The following CDS1 variants were observed in gnomAD, a reference collection of about 807,000 sequenced individuals.
CDS1 encodes the protein phosphatidate cytidylyltransferase 1.
Under a neutral mutation model 62.1 loss-of-function variants are expected in CDS1, and 41 were observed. That is an observed-to-expected ratio of 0.66 (90% CI 0.51 to 0.86). CDS1 has a LOEUF of 0.86. CDS1 is among the 40% of genes least tolerant of loss of function. The pLI, the probability that CDS1 is intolerant of heterozygous loss-of-function variation, is 0.00. For missense variants in CDS1, 470 were observed against 550.1 expected, an observed-to-expected ratio of 0.85 and a Z score of 1.46; for synonymous variants, 185 against 192.6, an observed-to-expected ratio of 0.96 and a Z score of 0.32.
At chr4:84,589,298 CT>C (rs1722510525) in intron 1 of CDS1, among the ~76,000 whole-genome samples, 2 of 152,122 alleles carry the variant, frequency 1.3e-5, no homozygotes, top group South Asian at 4.2e-4. Flanking sequence ...ATTTACTGCC[CT>C]GGGATACAAT....
intron 1 of CDS1, among the ~76,000 whole-genome samples, chr4:84,599,946 A>G (rs1415705681): frequency 2.6e-5 from 4 of 152,148 alleles, no homozygotes; most frequent in African/African-American, 9.7e-5. Context: ...GTAATTTTTA[A>G]AAAAACTGTG....
intron 9 of CDS1, 56 bp from the exon 10 acceptor site, chr4:84,640,782 G>C: frequency 1.5e-6 from 2 of 1,333,894 alleles, no homozygotes; most frequent in Non-Finnish European, 2.0e-6. Context: ...TTTAGTCAAT[G>C]TGTTATGAAC....
chr4:84,607,339 A>G (rs938547544), intron 2 of CDS1, among the ~76,000 whole-genome samples: 1 of 151,654 alleles, frequency 6.6e-6, no homozygotes, highest in Admixed American at 6.6e-5. Context: ...GCTGGAGTGC[A>G]GTGGCACAAT....
At chr4:84,608,995 A>G (rs1013157729) in intron 2 of CDS1, among the ~76,000 whole-genome samples, 7 of 151,822 alleles carry the variant, frequency 4.6e-5, no homozygotes, top group Non-Finnish European at 7.4e-5. Flanking sequence ...TGGCTAACAC[A>G]GTGAAACCCC....
intron 5 of CDS1, among the ~76,000 whole-genome samples, chr4:84,626,159 C>T (rs1034224071): frequency 1.1e-4 from 17 of 151,918 alleles, no homozygotes; most frequent in African/African-American, 4.1e-4. Context: ...AAGAGCGAAA[C>T]TCCATTTCAA....
chr4:84,608,907 G>A lies in CDS1; in HGVS notation c.246-522G>A, dbSNP rs943317330. Among the ~76,000 whole-genome samples, 79 of 151,994 alleles carry A rather than the reference G, an allele frequency of 5.2e-4. 1 individual carries two copies. Among genetic ancestry groups the A allele is most frequent in the African/African-American group, 1.8e-3 (73 of 41,466 alleles). Reference sequence around the variant, plus strand: ...AATTATTTTCTTTCTGGCCGGGCGTGGTGGCTCACACCTGTAATCCCAGCA... The same window carrying A: ...AATTATTTTCTTTCTGGCCGGGCGTAGTGGCTCACACCTGTAATCCCAGCA... On this transcript the variant is annotated intron_variant, in intron 2 of 12. Coordinates refer to ENST00000295887, the MANE Select transcript of CDS1 (RefSeq NM_001263.4).
chr4:84,618,489 G>A lies in CDS1; in HGVS notation c.440+828G>A, dbSNP rs1272772911. Among the ~76,000 whole-genome samples the A allele has an allele frequency of 2.6e-5, 4 of 152,170 alleles. No individual in the cohort carries two copies. The South Asian group carries it at 6.2e-4, about 24-fold the overall frequency. On this transcript the variant is annotated intron_variant, in intron 4 of 12. Coordinates refer to ENST00000295887, the MANE Select transcript of CDS1 (RefSeq NM_001263.4). ...AGGATGGGCTCCAGTGATTGTAGAA[G>A]GTGTCAAACAAGAGGTAAAAGATAA...
chr4:84,584,119 TTCTG>T (rs1371482518), intron 1 of CDS1, among the ~76,000 whole-genome samples: 19 of 152,336 alleles, frequency 1.2e-4, no homozygotes, highest in Middle Eastern at 3.4e-3. Context: ...AGTGCAATTC[TTCTG>T]TCTACCAGTA....
Position 84,635,254 on chromosome 4 carries a change from T to A in CDS1, c.723-10T>A, listed in dbSNP as rs1724144898. ...TTTCTGCTGACTTTTTTTTTTTTTTTTAAAAACAGGTTCCTTGTTCCAATA... is the reference window on the plus strand; with the variant it reads ...TTTCTGCTGACTTTTTTTTTTTTTTATAAAAACAGGTTCCTTGTTCCAATA... On this transcript the variant is annotated splice_polypyrimidine_tract_variant and intron_variant, in intron 7 of 12. Transcript: ENST00000295887. The A allele has an allele frequency of 2.1e-6, 3 of 1,433,646 alleles. No individual in the cohort carries two copies. The highest frequency in any genetic ancestry group is 2.9e-6 in the Non-Finnish European group (3 of 1,048,660). The allele number at this position is 1,433,646 out of a possible 1,614,324, so 88.8% of individuals were successfully genotyped here. A position where few individuals can be genotyped will look rare whatever the true frequency, so the allele number is the denominator to read the frequency against.
chr4:84,643,032 G>A lies in CDS1; in HGVS notation c.1041G>A (p.Val347=). ...TTCTTTCTCCTCTTTAGGAAAGAGT[G>A]AGCTTGTACCCTTTCCAGATCCACA... ...FLKAVLRQER[V]SLYPFQIHSI... Residue 347 remains valine (V), a synonymous_variant, in exon 11 of 13, where the codon GTG becomes GTA. Transcript: ENST00000295887. The A allele has an allele frequency of 2.5e-6, 4 of 1,599,330 alleles. No individual in the cohort carries two copies. Among genetic ancestry groups the A allele is most frequent in the Non-Finnish European group, 3.4e-6 (4 of 1,170,934 alleles).
chr4:84,638,869 A>T (rs1469167120), intron 8 of CDS1, 55 bp from the exon 9 acceptor site: 8 of 513,836 alleles, frequency 1.6e-5, no homozygotes, highest in Admixed American at 3.4e-5. Context: ...ATATATATAT[A>T]TTGTGAGTTT....
rs147665348 is a variant in CDS1, at chr4:84,640,683, A to G, written c.880-155A>G. ...TTACTAGGATAATTATGACCATTTA[A>G]CTTTGAAAATACATAGCAAAATATT... On this transcript the variant is annotated intron_variant, in intron 9 of 12. Coordinates refer to ENST00000295887, the MANE Select transcript of CDS1 (RefSeq NM_001263.4). 1.7e-4 allele frequency among the ~76,000 whole-genome samples: 26 copies of G among 152,298 alleles called. No homozygotes were observed. In the East Asian group the frequency reaches 5.0e-3, roughly 29 times the overall value.
At chr4:84,614,996 G>A (rs1336765171) in intron 3 of CDS1, among the ~76,000 whole-genome samples, 3 of 152,142 alleles carry the variant, frequency 2.0e-5, no homozygotes, top group African/African-American at 4.8e-5. Flanking sequence ...CTGGTCTGAC[G>A]GTATGGCCAG....
In CDS1 at chr4:84,617,546, G is replaced by A. The variant is rs1723535088; in HGVS notation, c.343-18G>A. Reference sequence around the variant, plus strand: ...TAAACATTGAGAAATGTATGTTAATGTTTTCTCTTGGTTTCAGGTTCTGGG... The same window carrying A: ...TAAACATTGAGAAATGTATGTTAATATTTTCTCTTGGTTTCAGGTTCTGGG... On this transcript the variant is annotated intron_variant, in intron 3 of 12. Coordinates refer to ENST00000295887, the MANE Select transcript of CDS1 (RefSeq NM_001263.4). 7.9e-7 allele frequency: 1 copy of A among 1,271,680 alleles called. No homozygotes were observed. Among genetic ancestry groups the A allele is most frequent in the African/African-American group, 1.5e-5 (1 of 68,206 alleles). 78.8% of individuals were successfully genotyped at this position (1,271,680 alleles called of 1,614,324 possible).
intron 9 of CDS1, among the ~76,000 whole-genome samples, 188 bp from the exon 10 acceptor site, chr4:84,640,650 T>TA (rs1433281398): frequency 1.3e-5 from 2 of 152,194 alleles, no homozygotes; most frequent in African/African-American, 4.8e-5. Flanking sequence ...AAAGGTCTTT[T>TA]AAGTCTTTTA....
intron 5 of CDS1, among the ~76,000 whole-genome samples, chr4:84,629,764 T>C (rs1723965014): frequency 6.6e-6 from 1 of 152,200 alleles, no homozygotes; most frequent in Non-Finnish European, 1.5e-5. Context: ...GAAATTGGAT[T>C]ATGTAAACGT....
chr4:84,633,898 G>A lies in CDS1; in HGVS notation c.681G>A (p.Gln227=). ...THVTLLITVT[Q]SHLVIQNLFE... is the part of the protein sequence containing the mutation. ...TCACTTTACTGATAACTGTCACTCAGTCACACCTTGTCATCCAAAATCTGT... is the reference window on the plus strand; with the variant it reads ...TCACTTTACTGATAACTGTCACTCAATCACACCTTGTCATCCAAAATCTGT... The change falls in exon 7 of 13, where the codon CAG becomes CAA. Residue 227 remains glutamine, a synonymous_variant. Coordinates refer to ENST00000295887, the MANE Select transcript of CDS1 (RefSeq NM_001263.4). 1 of 1,603,278 alleles carries A rather than the reference G, an allele frequency of 6.2e-7. No individual in the cohort carries two copies.
chr4:84,619,505 A>T lies in CDS1; in HGVS notation c.552A>T (p.Arg184Ser), dbSNP rs752635583. 1.3e-6 allele frequency: 2 copies of T among 1,599,680 alleles called. No homozygotes were observed. Among genetic ancestry groups the T allele is most frequent in the Admixed American group, 3.4e-5 (2 of 58,956 alleles). Residue 184 changes from arginine (R) to serine (S), a missense_variant, in exon 5 of 13, where the codon AGA becomes AGT. By Grantham distance (110) the Arg-to-Ser change is moderately radical. Around this residue, in one of 5 missense-constraint regions of CDS1, gnomAD observed 214 missense variants for 242.4 expected, o/e 0.88. Coordinates refer to ENST00000295887, the MANE Select transcript of CDS1 (RefSeq NM_001263.4). ...EQLQFLIRYHRFISFALYLAG... is the reference protein window; with the variant it reads ...EQLQFLIRYHSFISFALYLAG... ...TTCAGTTCCTCATTCGCTACCATAG[A>T]TTTATATCATTTGCCCTCTATCTGG...
chr4:84,639,313 G>A (rs1485371577), intron 9 of CDS1, among the ~76,000 whole-genome samples: 2 of 152,178 alleles, frequency 1.3e-5, no homozygotes, highest in Non-Finnish European at 2.9e-5. Context: ...GTTTCTAACA[G>A]CTATTCTGCC....
Sources: gnomAD v4.1 joint callset for allele counts (sites outside exome capture counted in the v4.1 genomes callset) on GRCh38, gnomAD v4.1.1 for gene constraint, gnomAD v4.1.1 regional missense constraint, MANE v1.5 for transcripts, NCBI Gene and HGNC (gene_info 2026-07-23, HGNC 2026-07-21) for gene names.